BBX: variants seen among roughly 807,000 people sequenced by gnomAD.
The protein encoded by BBX is BBX high mobility group box domain containing, also known as HMG box transcription factor BBX.
BBX carries 30 observed loss-of-function variants against 100.2 expected under a neutral mutation model. That is an observed-to-expected ratio of 0.30 (90% CI 0.22 to 0.41). BBX has a LOEUF of 0.41. BBX is among the 10% of genes least tolerant of loss of function. The pLI is 1.00. For missense variants in BBX, 1,023 were observed against 1,129.8 expected (o/e 0.91, Z 1.35); for synonymous variants, 376 against 388.1 (o/e 0.97, Z 0.37).
intron 9 of BBX, among the ~76,000 whole-genome samples, chr3:107,750,151 C>T (rs2064965038): frequency 6.6e-6 from 1 of 152,090 alleles, no homozygotes; most frequent in South Asian, 2.1e-4. Context: ...ACTAAGTTTT[C>T]TTCTAGAGAA....
At chr3:107,722,553 A>G (rs1336947204) in intron 5 of BBX, among the ~76,000 whole-genome samples, 1 of 151,942 alleles carries the variant, frequency 6.6e-6, no homozygotes, top group African/African-American at 2.4e-5. Flanking sequence ...CTTGCTTTCA[A>G]ATTTTCATTT....
intron 7 of BBX, among the ~76,000 whole-genome samples, chr3:107,735,634 A>G (rs908300800): frequency 6.6e-6 from 1 of 152,070 alleles, no homozygotes; most frequent in Non-Finnish European, 1.5e-5. Flanking sequence ...CTTTTAAAAA[A>G]GCATCTCTAG....
At chr3:107,705,868 A>G (rs752076816) in intron 3 of BBX, among the ~76,000 whole-genome samples, 1 of 152,162 alleles carries the variant, frequency 6.6e-6, no homozygotes, top group African/African-American at 2.4e-5. Context: ...GCAGGATTCT[A>G]AAGGAAGCCT....
chr3:107,763,085 A>G (rs921004233), intron 10 of BBX, among the ~76,000 whole-genome samples: 2 of 152,216 alleles, frequency 1.3e-5, no homozygotes, highest in African/African-American at 4.8e-5. Context: ...TCCCTAAGAT[A>G]TGTCATTATG....
Position 107,789,854 on chromosome 3 carries a change from G to A in BBX, c.2271G>A (p.Glu757=). 2 of 1,550,062 alleles carry A rather than the reference G, an allele frequency of 1.3e-6. No individual in the cohort carries two copies. The highest frequency in any genetic ancestry group is 8.7e-7 in the Non-Finnish European group (1 of 1,145,866). ...KIVSKYKHKK[E]KPNVPEKGSG... Reference sequence around the variant, plus strand: ...TCAGCAAATATAAGCACAAAAAGGAGAAGCCCAATGTTCCGGAAAAAGGTA... The same window carrying A: ...TCAGCAAATATAAGCACAAAAAGGAAAAGCCCAATGTTCCGGAAAAAGGTA... The change falls in exon 14 of 18, where the codon GAG becomes GAA. Residue 757 remains glutamate, a synonymous_variant. Coordinates refer to ENST00000325805, the MANE Select transcript of BBX (RefSeq NM_001142568.3).
At chr3:107,559,971 TG>T (rs1559811166) in intron 2 of BBX, among the ~76,000 whole-genome samples, 1 of 152,168 alleles carries the variant, frequency 6.6e-6, no homozygotes, top group East Asian at 1.9e-4. Flanking sequence ...CTCGAACTTC[TG>T]GGCTCAAGCA....
intron 2 of BBX, among the ~76,000 whole-genome samples, chr3:107,624,794 G>A (rs1268979256): frequency 9.2e-5 from 14 of 152,288 alleles, no homozygotes; most frequent in East Asian, 5.8e-4. Context: ...GCTTGAACCC[G>A]GGAGGCGGAG....
intron 9 of BBX, among the ~76,000 whole-genome samples, chr3:107,751,592 T>G (rs1297114249): frequency 6.6e-6 from 1 of 152,176 alleles, no homozygotes; most frequent in Non-Finnish European, 1.5e-5. Flanking sequence ...TATTTTTCCT[T>G]CTTAACCAAA....
intron 3 of BBX, among the ~76,000 whole-genome samples, chr3:107,672,427 T>A (rs1038785227): frequency 1.3e-5 from 2 of 152,096 alleles, no homozygotes; most frequent in East Asian, 3.9e-4. Context: ...AAGTTGAGTA[T>A]GGGATTTCAT....
At chr3:107,534,318 T>C (rs2048350920) in intron 2 of BBX, among the ~76,000 whole-genome samples, 1 of 152,104 alleles carries the variant, frequency 6.6e-6, no homozygotes, top group Non-Finnish European at 1.5e-5. Flanking sequence ...AAGTGTAGAG[T>C]TCTCATGGAC....
intron 5 of BBX, among the ~76,000 whole-genome samples, chr3:107,723,679 T>C (rs13083352): frequency 6.6e-6 from 1 of 152,060 alleles, no homozygotes; most frequent in Non-Finnish European, 1.5e-5. Flanking sequence ...TTTGTCCTTG[T>C]GATAGTTTGC....
At chr3:107,731,040 G>A (rs2063286567) in intron 6 of BBX, among the ~76,000 whole-genome samples, 1 of 152,120 alleles carries the variant, frequency 6.6e-6, no homozygotes, top group Admixed American at 6.5e-5. Flanking sequence ...CCAAATGTAT[G>A]ATATCCAAGA....
At chr3:107,638,786 CA>C (rs2057014295) in intron 2 of BBX, among the ~76,000 whole-genome samples, 2 of 12,372 alleles carry the variant, frequency 1.6e-4, no homozygotes, top group African/African-American at 1.1e-3. Flanking sequence ...AGTATACACA[CA>C]CACACACACA....
At chr3:107,529,785 T>A (rs557062196) in intron 2 of BBX, among the ~76,000 whole-genome samples, 5 of 152,294 alleles carry the variant, frequency 3.3e-5, no homozygotes, top group African/African-American at 1.2e-4. Context: ...TGTACAGATA[T>A]ACCCAGAAAA....
intron 8 of BBX, 110 bp from the exon 9 acceptor site, chr3:107,747,855 C>A: frequency 1.2e-6 from 1 of 805,234 alleles, no homozygotes; most frequent in Non-Finnish European, 2.0e-6. Context: ...AGGGTAATGA[C>A]TCATTTTTAA....
At chr3:107,523,934 G>T (rs187136332) in intron 1 of BBX, among the ~76,000 whole-genome samples, 1,522 of 151,664 alleles carry the variant, frequency 0.01, 33 homozygotes, top group African/African-American at 0.035. Context: ...GGAAGAATAG[G>T]GGGAGAGGGG....
At chr3:107,736,510 T>C (rs1477510662) in intron 7 of BBX, among the ~76,000 whole-genome samples, 2 of 151,778 alleles carry the variant, frequency 1.3e-5, no homozygotes, top group Non-Finnish European at 2.9e-5. Context: ...GAAGAACTAA[T>C]GAGAAGGCAG....
At chr3:107,555,986 T>A (rs1257534926) in intron 2 of BBX, among the ~76,000 whole-genome samples, 1 of 152,186 alleles carries the variant, frequency 6.6e-6, no homozygotes. Flanking sequence ...TAATGGGGCA[T>A]TATGGCAAGT....
At chr3:107,778,326 A>T in intron 12 of BBX, 45 bp from the exon 13 acceptor site, 1 of 1,600,554 alleles carries the variant, frequency 6.2e-7, no homozygotes, top group Non-Finnish European at 8.6e-7. Context: ...TTTCTGTGTC[A>T]TATTTGGTCA....
Sources: gnomAD v4.1 joint callset for allele counts (sites outside exome capture counted in the v4.1 genomes callset) on GRCh38, gnomAD v4.1.1 for gene constraint, MANE v1.5 for transcripts, NCBI Gene and HGNC (gene_info 2026-07-23, HGNC 2026-07-21) for gene names.